NLRP11: variants seen among roughly 807,000 people sequenced by gnomAD.
NLRP11 encodes NLR family pyrin domain containing 11.
In NLRP11, 53 loss-of-function variants were observed where a neutral mutation model predicts 79.3. The observed-to-expected ratio is 0.67, with a 90% CI of 0.54 to 0.84. The LOEUF is 0.84. NLRP11 is among the 40% of genes least tolerant of loss of function. The probability of loss-of-function intolerance (pLI) is 0.00; values close to 1 mark genes in which losing one functional copy is unlikely to be tolerated. For missense variants in NLRP11, 1,264 were observed against 1,255.0 expected, an observed-to-expected ratio of 1.01 and a Z score of -0.11; for synonymous variants, 518 against 462.6, an observed-to-expected ratio of 1.12 and a Z score of -1.54.
intron 1 of NLRP11, among the ~76,000 whole-genome samples, chr19:55,820,699 A>G (rs1037723874): frequency 2.6e-5 from 4 of 152,198 alleles, no homozygotes; most frequent in Non-Finnish European, 5.9e-5. Context: ...AACTCAGAAA[A>G]AAAGTCATTA....
rs936176770 is a variant in NLRP11 at position 55,821,245 on chromosome 19, A to C, written c.-62-3009T>G. Among the ~76,000 whole-genome samples the C allele has an allele frequency of 7.8e-4, 93 of 119,844 alleles. 1 individual carries two copies. Among genetic ancestry groups the C allele is most frequent in the African/African-American group, 2.8e-3 (90 of 31,852 alleles). The allele number at this position is 119,844 out of a possible 152,430, so 78.6% of individuals were successfully genotyped here. A position where few individuals can be genotyped will look rare whatever the true frequency, so the allele number is the denominator to read the frequency against. On this transcript the variant is annotated intron_variant, in intron 1 of 9. Coordinates refer to ENST00000589093, the Ensembl canonical transcript of NLRP11. Reference sequence around the variant, plus strand: ...CACACACACACACACACACACACACACACACCCCAAGCACTGAGTTTGTAA... The same window carrying C: ...CACACACACACACACACACACACACCCACACCCCAAGCACTGAGTTTGTAA...
chr19:55,813,322 AGC>A (rs926884490), intron 2 of NLRP11, among the ~76,000 whole-genome samples: 2 of 152,154 alleles, frequency 1.3e-5, no homozygotes, highest in African/African-American at 4.8e-5. Flanking sequence ...AATTTTTTAA[AGC>A]AGAGGAAAGT....
intron 4 of NLRP11, 48 bp from the exon 5 acceptor site, chr19:55,801,787 C>CT (rs780832247): frequency 1.3e-6 from 2 of 1,516,884 alleles, no homozygotes; most frequent in Non-Finnish European, 1.8e-6. Context: ...GTCTGAACAT[C>CT]TTCTCCACAA....
At chr19:55,796,218 C>T in exon 6 of NLRP11, 1 of 1,613,604 alleles carries the variant, frequency 6.2e-7, no homozygotes, top group Non-Finnish European at 8.5e-7. Flanking sequence ...GATTTCTTCA[C>T]ATTCGCTGGC....
chr19:55,830,552 G>A (rs1017920043), intron 1 of NLRP11, among the ~76,000 whole-genome samples: 2 of 143,014 alleles, frequency 1.4e-5, no homozygotes, highest in African/African-American at 5.4e-5. Context: ...GATCATTCAA[G>A]GAAAATTCCA....
chr19:55,809,938 G>C lies in NLRP11; in HGVS notation c.672C>G (p.Leu224=), dbSNP rs1457403101. 1.2e-6 allele frequency: 2 copies of C among 1,614,056 alleles called. No individual in the cohort carries two copies. The highest frequency in any genetic ancestry group is 2.2e-5 in the East Asian group (1 of 44,886). The change falls in exon 3 of 10, where the codon CTC becomes CTG. Residue 224 remains leucine (L), a synonymous_variant. Transcript: ENST00000589093. The surrounding 1 kb of genome is among the most constrained non-coding windows in gnomAD (Gnocchi z 4.5). Reference sequence around the variant, plus strand: ...TGTCCAAGTCCTCGAGGATGAAAAGGAGTTTCTTGGGATCAGACAGGATGT... The same window carrying C: ...TGTCCAAGTCCTCGAGGATGAAAAGCAGTTTCTTGGGATCAGACAGGATGT...
Position 55,809,769 on chromosome 19 carries a change from G to A in NLRP11, c.841C>T (p.Arg281Cys), listed in dbSNP as rs936353869. The stretch of plus-strand genomic sequence containing the variant: ...AAGAACGTTTTTACATTATTCCCAC[G>A]TGTGGGCCTTGAGGAGATGAGGAAC... The change falls in exon 3 of 10, where the codon CGT becomes TGT. Residue 281 changes from arginine (R) to cysteine (C), a missense_variant. Physicochemically the swap from Arg to Cys is radical, Grantham distance 180. Coordinates refer to ENST00000589093, the Ensembl canonical transcript of NLRP11. This position sits in a 1 kb window ranked among gnomAD's most constrained non-coding sequence, Gnocchi z 4.5. The A allele has an allele frequency of 1.2e-6, 2 of 1,614,056 alleles. No homozygotes were observed. The highest frequency in any genetic ancestry group is 2.2e-5 in the East Asian group (1 of 44,888).
At chr19:55,816,919 T>G (rs7256677) in intron 2 of NLRP11, among the ~76,000 whole-genome samples, 33,884 of 152,076 alleles carry the variant, frequency 0.22, 5,761 homozygotes, top group African/African-American at 0.48. Context: ...TGATGTCCAG[T>G]TCTGAAGACT....
At chr19:55,802,673 T>A (rs1196453944) in intron 4 of NLRP11, among the ~76,000 whole-genome samples, 1 of 152,162 alleles carries the variant, frequency 6.6e-6, no homozygotes, top group Non-Finnish European at 1.5e-5. Flanking sequence ...TTAAAGTTCA[T>A]ATAGAACAAA....
chr19:55,818,318 T>G (rs575418566), intron 1 of NLRP11, 82 bp from the exon 2 acceptor site: 2 of 663,608 alleles, frequency 3.0e-6, no homozygotes, highest in Non-Finnish European at 5.1e-6. Flanking sequence ...ACAATTCCTG[T>G]GGTGTGATAG....
intron 6 of NLRP11, 106 bp from the exon 7 acceptor site, chr19:55,792,577 A>G (rs1180210688): frequency 1.1e-5 from 8 of 750,546 alleles, no homozygotes; most frequent in African/African-American, 8.7e-5. Context: ...TTCTACTGCC[A>G]TTGCCCCAAA....
exon 10 of NLRP11, chr19:55,785,848 G>A (rs373925447): frequency 6.2e-7 from 1 of 1,613,936 alleles, no homozygotes; most frequent in African/African-American, 1.3e-5. Flanking sequence ...CTGGGTTTGT[G>A]TGTTCAGGCC....
At position 55,809,214 on chromosome 19, in the gene NLRP11, C is replaced by A. The variant is rs1448590618; in HGVS notation, c.1396G>T (p.Val466Leu). The change falls in exon 3 of 10, where the codon GTA becomes TTA. Residue 466 changes from valine (V) to leucine (L), a missense_variant. Val to Leu is a conservative substitution (Grantham distance 32). Coordinates refer to ENST00000589093, the Ensembl canonical transcript of NLRP11. This position sits in a 1 kb window ranked among gnomAD's most constrained non-coding sequence, Gnocchi z 4.5. ...CCTGAGGGGATCAGATAGTTGGGTACTGCCATCAGAAATGCAATGGCTGTA... is the reference window on the plus strand; with the variant it reads ...CCTGAGGGGATCAGATAGTTGGGTAATGCCATCAGAAATGCAATGGCTGTA... 6.2e-7 allele frequency: 1 copy of A among 1,613,734 alleles called. No homozygotes were observed.
At chr19:55,819,628 G>A (rs1981487784) in intron 1 of NLRP11, among the ~76,000 whole-genome samples, 1 of 152,102 alleles carries the variant, frequency 6.6e-6, no homozygotes, top group African/African-American at 2.4e-5. Flanking sequence ...CAAATGCTTC[G>A]ACACAGAGAA....
At chr19:55,821,040 C>A (rs1981646070) in intron 1 of NLRP11, among the ~76,000 whole-genome samples, 1 of 152,092 alleles carries the variant, frequency 6.6e-6, no homozygotes, top group Non-Finnish European at 1.5e-5. Context: ...ATGGCTTGTA[C>A]AGACAACATG....
intron 4 of NLRP11, 104 bp from the exon 5 acceptor site, chr19:55,801,843 G>T: frequency 1.1e-6 from 1 of 899,524 alleles, no homozygotes; most frequent in Non-Finnish European, 1.8e-6. Flanking sequence ...GATTCTCAGT[G>T]GATTACATCC....
chr19:55,808,245 G>C (rs1380980120), intron 3 of NLRP11, among the ~76,000 whole-genome samples: 1 of 152,132 alleles, frequency 6.6e-6, no homozygotes, highest in African/African-American at 2.4e-5. Context: ...GCCTTTAAAT[G>C]CGAGATTATT....
At chr19:55,799,025 AAG>A in intron 5 of NLRP11, among the ~76,000 whole-genome samples, 1 of 152,258 alleles carries the variant, frequency 6.6e-6, no homozygotes, top group Non-Finnish European at 1.5e-5. Context: ...ATATCAAAGT[AAG>A]AGGCTGAGGT....
chr19:55,795,926 C>T (rs1240584172), intron 6 of NLRP11, among the ~76,000 whole-genome samples, 154 bp downstream of exon 6: 1 of 152,152 alleles, frequency 6.6e-6, no homozygotes, highest in African/African-American at 2.4e-5. Context: ...GCTGTCAACC[C>T]AGAGTATTAA....
Sources: gnomAD v4.1 joint callset for allele counts (sites outside exome capture counted in the v4.1 genomes callset) on GRCh38, gnomAD v4.1.1 for gene constraint, Gnocchi (gnomAD v3.1) non-coding constraint, MANE v1.5 for transcripts, NCBI Gene and HGNC (gene_info 2026-07-23, HGNC 2026-07-21) for gene names.